MEIOSIN: variants seen among roughly 807,000 people sequenced by gnomAD.
The protein encoded by MEIOSIN is meiosis initiator protein.
A neutral mutation model predicts 23.4 loss-of-function variants in MEIOSIN; 18 were observed. That is an observed-to-expected ratio of 0.77 (90% CI 0.53 to 1.14). The LOEUF is 1.14. MEIOSIN is among the 50% of genes most tolerant of loss of function. The pLI, the probability that MEIOSIN is intolerant of heterozygous loss-of-function variation, is 0.00. For synonymous variants in MEIOSIN, 187 were observed against 100.6 expected, an observed-to-expected ratio of 1.86 and a Z score of -5.14; for missense variants, 428 against 242.9, an observed-to-expected ratio of 1.76 and a Z score of -5.07.
At chr19:45,738,119 T>A (rs1415604643) in intron 2 of MEIOSIN, among the ~76,000 whole-genome samples, 1 of 152,126 alleles carries the variant, frequency 6.6e-6, no homozygotes, top group South Asian at 2.1e-4. Context: ...ATGAATCTTA[T>A]AGAGGGAATT....
intron 9 of MEIOSIN, 102 bp downstream of exon 9, chr19:45,757,379 G>T: frequency 1.6e-6 from 1 of 639,100 alleles, no homozygotes; most frequent in Non-Finnish European, 2.9e-6. Context: ...AAAGGGAATG[G>T]AGATCCCCTA....
intron 2 of MEIOSIN, among the ~76,000 whole-genome samples, chr19:45,736,791 T>G (rs1444838294): frequency 6.6e-6 from 1 of 151,728 alleles, no homozygotes; most frequent in Non-Finnish European, 1.5e-5. Context: ...CAGGATGGTC[T>G]CGATCTCCTG....
chr19:45,752,823 G>A (rs1600385401), intron 5 of MEIOSIN, among the ~76,000 whole-genome samples: 1 of 151,606 alleles, frequency 6.6e-6, no homozygotes, highest in African/African-American at 2.4e-5. Context: ...TCCATGCCAC[G>A]CAGACCTCCA....
intron 8 of MEIOSIN, among the ~76,000 whole-genome samples, chr19:45,756,571 C>A (rs1968834207): frequency 6.6e-6 from 1 of 152,156 alleles, no homozygotes; most frequent in African/African-American, 2.4e-5. Flanking sequence ...GTGCACACCA[C>A]CACACCCAGC....
At chr19:45,739,889 C>G (rs1314248402) in intron 3 of MEIOSIN, among the ~76,000 whole-genome samples, 159 bp downstream of exon 3, 12 of 152,018 alleles carry the variant, frequency 7.9e-5, no homozygotes, top group African/African-American at 2.7e-4. Context: ...CTCTTGTTGC[C>G]CAAGCTGGAG....
chr19:45,737,726 A>G (rs1192047976), intron 2 of MEIOSIN, among the ~76,000 whole-genome samples: 2 of 151,788 alleles, frequency 1.3e-5, no homozygotes, highest in East Asian at 2.0e-4. Flanking sequence ...TGAGGTCAGG[A>G]GTTTGAGTCC....
intron 4 of MEIOSIN, among the ~76,000 whole-genome samples, chr19:45,747,468 T>C (rs1968615398): frequency 6.6e-6 from 1 of 152,142 alleles, no homozygotes; most frequent in Non-Finnish European, 1.5e-5. Flanking sequence ...ATCACTGCAA[T>C]TACTTCCTTG....
rs112580005 is a variant in MEIOSIN at position 45,754,809 on chromosome 19, G to C, written c.802+85G>C. 4 of 671,382 alleles carry C rather than the reference G, an allele frequency of 6.0e-6. No homozygotes were observed. The South Asian group carries it at 6.4e-5, about 11-fold the overall frequency. 41.6% of individuals were successfully genotyped at this position (671,382 alleles called of 1,614,324 possible). ...CTGCTGTGTCCCAGACACAGTACCC[G>C]TAGTGGGGGCTGCAGCAGTGAATAG... On this transcript the variant is annotated intron_variant, in intron 7 of 14. Transcript: ENST00000457052.
chr19:45,762,097 G>T lies in MEIOSIN; in HGVS notation c.1593G>T (p.Lys531Asn), dbSNP rs1487540253. The T allele has an allele frequency of 6.7e-6, 3 of 446,900 alleles. No homozygotes were observed. The highest frequency in any genetic ancestry group is 3.9e-5 in the Admixed American group (1 of 25,898). 27.7% of individuals were successfully genotyped at this position (446,900 alleles called of 1,614,324 possible). A position where few individuals can be genotyped will look rare whatever the true frequency, so the allele number is the denominator to read the frequency against. ...CCCCTGTGAAGCCCAAGGAGAAGAAGAAAGGCCCCTGCCCACCCCAGATGA... is the reference window on the plus strand; with the variant it reads ...CCCCTGTGAAGCCCAAGGAGAAGAATAAAGGCCCCTGCCCACCCCAGATGA... The part of the protein sequence containing the change: ...ARAPVKPKEK[K>N]KGPCPPQMKK... The change falls in exon 13 of 15, where the codon AAG becomes AAT. Residue 531 changes from lysine to asparagine, a missense_variant. Lys to Asn is a moderately conservative substitution (Grantham distance 94). Coordinates refer to ENST00000457052, the MANE Select transcript of MEIOSIN (RefSeq NM_001310124.2).
intron 3 of MEIOSIN, 27 bp from the exon 4 acceptor site, chr19:45,745,165 C>T (rs1250001787): frequency 1.4e-6 from 1 of 702,626 alleles, no homozygotes; most frequent in Admixed American, 2.0e-5. Flanking sequence ...GATGTCCTAA[C>T]CAAAACCAGC....
At chr19:45,752,797 G>A (rs1311595246) in intron 5 of MEIOSIN, among the ~76,000 whole-genome samples, 1 of 151,998 alleles carries the variant, frequency 6.6e-6, no homozygotes, top group African/African-American at 2.4e-5. Context: ...CTGGCTCAGA[G>A]CCCACACACA....
intron 4 of MEIOSIN, 138 bp downstream of exon 4, chr19:45,745,459 G>T: frequency 1.7e-6 from 1 of 578,808 alleles, no homozygotes; most frequent in Non-Finnish European, 3.1e-6. Flanking sequence ...ACTCTGAACG[G>T]GAATTTCCGG....
chr19:45,743,928 A>G (rs887114780), intron 3 of MEIOSIN, among the ~76,000 whole-genome samples: 6 of 152,072 alleles, frequency 3.9e-5, no homozygotes, highest in Admixed American at 2.0e-4. Flanking sequence ...AAGTGCTGGG[A>G]TTACAGATGT....
At chr19:45,742,142 C>A (rs1196968463) in intron 3 of MEIOSIN, among the ~76,000 whole-genome samples, 1 of 151,878 alleles carries the variant, frequency 6.6e-6, no homozygotes, top group South Asian at 2.1e-4. Flanking sequence ...TCCCAAAGTG[C>A]TGGGATTACA....
chr19:45,752,118 C>G (rs1341178685), intron 5 of MEIOSIN, among the ~76,000 whole-genome samples: 1 of 150,364 alleles, frequency 6.7e-6, no homozygotes, highest in African/African-American at 2.4e-5. Context: ...CTCACTGTAA[C>G]CTCAAAATCC....
chr19:45,748,262 A>G (rs2146185102), intron 4 of MEIOSIN, among the ~76,000 whole-genome samples: 1 of 152,212 alleles, frequency 6.6e-6, no homozygotes, highest in South Asian at 2.1e-4. Flanking sequence ...TTGTATTTTT[A>G]GTAAAGACAG....
rs547805942 is a variant in MEIOSIN at position 45,747,229 on chromosome 19, G to A, written c.306+1908G>A. On this transcript the variant is annotated intron_variant, in intron 4 of 14. Coordinates refer to ENST00000457052, the MANE Select transcript of MEIOSIN (RefSeq NM_001310124.2). The stretch of plus-strand genomic sequence containing the variant: ...CCACCTCTTCATCCTTCCCTCAGCT[G>A]CATCATGGGGTCCTGCTCCACAGAC... Among the ~76,000 whole-genome samples, 8 of 152,290 alleles carry A rather than the reference G, an allele frequency of 5.3e-5. No homozygotes were observed. The South Asian group carries it at 1.7e-3, about 32-fold the overall frequency.
intron 14 of MEIOSIN, 124 bp downstream of exon 14, chr19:45,763,551 T>G: frequency 2.5e-6 from 1 of 397,466 alleles, no homozygotes; most frequent in Non-Finnish European, 4.4e-6. Context: ...AATTTGCGTG[T>G]TGCCCCTTCT....
chr19:45,734,411 G>C (rs1028740643), intron 1 of MEIOSIN, among the ~76,000 whole-genome samples: 11 of 152,160 alleles, frequency 7.2e-5, no homozygotes, highest in Non-Finnish European at 1.0e-4. Flanking sequence ...TGTAATCTTA[G>C]TATTAGGATC....
Sources: allele counts gnomAD v4.1 joint callset (sites outside exome capture counted in the v4.1 genomes callset), GRCh38; gene constraint gnomAD v4.1.1; transcripts MANE v1.5; gene names NCBI Gene and HGNC (gene_info 2026-07-23, HGNC 2026-07-21).